MARCHF10: variants seen among roughly 807,000 people sequenced by gnomAD.
MARCHF10 encodes the protein membrane associated ring-CH-type finger 10.
Under a neutral mutation model 76.2 loss-of-function variants are expected in MARCHF10, and 64 were observed. That is an observed-to-expected ratio of 0.84 (90% confidence interval 0.69 to 1.03). The LOEUF (loss-of-function observed/expected upper bound fraction) is 1.03, where lower values mean the gene tolerates loss of function less well. Among genes scored for constraint, MARCHF10 ranks in the 50% least tolerant of loss-of-function variants. The pLI is 0.00. For missense variants in MARCHF10, 875 were observed against 958.0 expected (o/e 0.91, Z 1.14); for synonymous variants, 340 against 357.5 (o/e 0.95, Z 0.55).
intron 3 of MARCHF10, among the ~76,000 whole-genome samples, chr17:62,767,450 C>CCTTTTTTTT (rs67106553): frequency 2.2e-5 from 3 of 134,792 alleles, no homozygotes; most frequent in East Asian, 2.2e-4. Context: ...GGTCTGTATT[C>CCTTTTTTTT]TTTTTTTTTT....
intron 1 of MARCHF10, among the ~76,000 whole-genome samples, chr17:62,803,807 C>T (rs746855698): frequency 2.0e-5 from 3 of 152,160 alleles, no homozygotes; most frequent in South Asian, 2.1e-4. Flanking sequence ...TAAGCTACTG[C>T]GCCCGGCCCA....
intron 3 of MARCHF10, among the ~76,000 whole-genome samples, chr17:62,764,482 C>A (rs2092283723): frequency 6.6e-6 from 1 of 152,178 alleles, no homozygotes; most frequent in African/African-American, 2.4e-5. Context: ...TGGCGCCAGA[C>A]TGTGTTGAGT....
intron 2 of MARCHF10, among the ~76,000 whole-genome samples, chr17:62,789,541 T>C (rs1441988570): frequency 6.6e-6 from 1 of 152,222 alleles, no homozygotes; most frequent in Non-Finnish European, 1.5e-5. Context: ...GGTAGTTGTT[T>C]GTGGTTTTGA....
chr17:62,704,334 G>A (rs1390473899), intron 10 of MARCHF10, among the ~76,000 whole-genome samples: 1 of 152,096 alleles, frequency 6.6e-6, no homozygotes, highest in Non-Finnish European at 1.5e-5. Context: ...GGCCCGGGGG[G>A]GCGAGGCCGG....
intron 3 of MARCHF10, among the ~76,000 whole-genome samples, chr17:62,783,788 C>T (rs1188614775): frequency 6.6e-6 from 1 of 152,082 alleles, no homozygotes; most frequent in Non-Finnish European, 1.5e-5. Context: ...AATGGATAAA[C>T]TCCTGGACAC....
chr17:62,709,306 C>T (rs146575444), intron 9 of MARCHF10, among the ~76,000 whole-genome samples: 70 of 152,186 alleles, frequency 4.6e-4, no homozygotes, highest in South Asian at 3.9e-3. Flanking sequence ...ATGGTGAAAC[C>T]CTGCCTCTAC....
intron 1 of MARCHF10, among the ~76,000 whole-genome samples, chr17:62,803,470 AAGG>A (rs1283813301): frequency 1.3e-5 from 2 of 152,038 alleles, no homozygotes; most frequent in Non-Finnish European, 2.9e-5. Context: ...TGGAGAGAAA[AAGG>A]AGGAGGAGGT....
chr17:62,724,909 A>T (rs200150020), intron 7 of MARCHF10, 29 bp downstream of exon 7: 15 of 1,607,622 alleles, frequency 9.3e-6, no homozygotes, highest in Non-Finnish European at 1.3e-5. Context: ...ATGTCGTGGC[A>T]CGTTCACTGC....
chr17:62,796,035 TACTC>T (rs1035637710), intron 2 of MARCHF10, among the ~76,000 whole-genome samples: 11 of 151,948 alleles, frequency 7.2e-5, no homozygotes, highest in Non-Finnish European at 1.6e-4. Context: ...GACAGAGTCT[TACTC>T]TGTCGCTGAG....
At chr17:62,743,159 T>C (rs1194015034) in intron 5 of MARCHF10, among the ~76,000 whole-genome samples, 1 of 152,138 alleles carries the variant, frequency 6.6e-6, no homozygotes, top group Non-Finnish European at 1.5e-5. Flanking sequence ...CAAGATGCCA[T>C]TGCTGGGAGG....
intron 9 of MARCHF10, among the ~76,000 whole-genome samples, chr17:62,709,608 C>T (rs2089801346): frequency 6.6e-6 from 1 of 152,186 alleles, no homozygotes; most frequent in African/African-American, 2.4e-5. Context: ...GGAAGGAGGG[C>T]TTCTCTGCTG....
At chr17:62,793,791 A>G (rs1477625127) in intron 2 of MARCHF10, among the ~76,000 whole-genome samples, 2 of 138,422 alleles carry the variant, frequency 1.4e-5, no homozygotes, top group Non-Finnish European at 3.1e-5. Context: ...CACCACAACC[A>G]TTACCACCAC....
rs183688677 is a variant in MARCHF10 at position 62,760,168 on chromosome 17, T to A, written c.211-162A>T. Among the ~76,000 whole-genome samples the A allele has an allele frequency of 1.0e-2, 1,434 of 143,816 alleles. 12 individuals carry two copies. Among genetic ancestry groups the A allele is most frequent in the Non-Finnish European group, 0.016 (1,044 of 65,290 alleles). The allele number at this position is 143,816 out of a possible 152,430, so 94.3% of individuals were successfully genotyped here. Reference sequence around the variant, plus strand: ...GTTCACCAGAGAGATTCAGATGGACTGGGCAGAGCAACTTAGAAATAATGG... The same window carrying A: ...GTTCACCAGAGAGATTCAGATGGACAGGGCAGAGCAACTTAGAAATAATGG... On this transcript the variant is annotated intron_variant, in intron 3 of 10. Transcript: ENST00000311269.
chr17:62,792,751 T>TTAC (rs1568217994), intron 2 of MARCHF10, among the ~76,000 whole-genome samples: 1 of 67,840 alleles, frequency 1.5e-5, no homozygotes, highest in Non-Finnish European at 3.1e-5. Context: ...ACCACCTCCA[T>TTAC]CACCACCACC....
chr17:62,703,301 C>G (rs1486895957), intron 10 of MARCHF10: 4 of 152,428 alleles, frequency 2.6e-5, no homozygotes, highest in African/African-American at 9.6e-5. Flanking sequence ...CAGGTCACAG[C>G]TGTGACTCAC....
intron 2 of MARCHF10, among the ~76,000 whole-genome samples, chr17:62,790,380 T>C (rs562927984): frequency 5.3e-5 from 8 of 152,276 alleles, no homozygotes; most frequent in African/African-American, 1.4e-4. Context: ...TTTGCCATGT[T>C]GGCCAGGCTG....
At chr17:62,800,947 C>A (rs939735210) in intron 2 of MARCHF10, among the ~76,000 whole-genome samples, 3 of 152,086 alleles carry the variant, frequency 2.0e-5, no homozygotes, top group African/African-American at 7.2e-5. Context: ...CAACGAAGGG[C>A]GTGTTATTTT....
intron 2 of MARCHF10, among the ~76,000 whole-genome samples, chr17:62,788,849 G>C (rs2092790575): frequency 6.6e-6 from 1 of 150,840 alleles, no homozygotes; most frequent in African/African-American, 2.4e-5. Context: ...GGATCATGAG[G>C]TCAGGAGATC....
chr17:62,722,277 C>CAAA (rs57370093), intron 8 of MARCHF10, among the ~76,000 whole-genome samples: 17 of 78,880 alleles, frequency 2.2e-4, no homozygotes, highest in East Asian at 8.8e-4. Context: ...GACTCTGTCT[C>CAAA]AAAAAAAAAA....
Sources: allele counts gnomAD v4.1 joint callset (sites outside exome capture counted in the v4.1 genomes callset), GRCh38; gene constraint gnomAD v4.1.1; transcripts MANE v1.5; gene names NCBI Gene and HGNC (gene_info 2026-07-23, HGNC 2026-07-21).